The following NRXN3 variants were observed in gnomAD, a reference collection of about 807,000 sequenced individuals.
NRXN3 encodes neurexin 3, also known as neurexin III.
NRXN3 carries 32 observed loss-of-function variants against 137.6 expected under a neutral mutation model. The ratio of observed to expected loss-of-function variants is 0.23; its 90% confidence interval spans 0.18 to 0.31. NRXN3 has a LOEUF of 0.31. NRXN3 is among the 10% of genes least tolerant of loss of function. The pLI is 1.00. For missense variants in NRXN3, 1,574 were observed against 2,062.5 expected, an observed-to-expected ratio of 0.76 and a Z score of 4.59; for synonymous variants, 798 against 784.5, an observed-to-expected ratio of 1.02 and a Z score of -0.29.
chr14:78,765,031 G>C (rs920803066), intron 8 of NRXN3, among the ~76,000 whole-genome samples: 4 of 152,160 alleles, frequency 2.6e-5, no homozygotes, highest in African/African-American at 9.7e-5. Flanking sequence ...ACCTGCAGCT[G>C]GGCAGGTTAA....
chr14:79,495,330 A>G lies in NRXN3; in HGVS notation c.3444+27928A>G, dbSNP rs537442678. On this transcript the variant is annotated intron_variant, in intron 16 of 20. Transcript: ENST00000335750. ...ACAGCTTCCTTTATCCCTTAGGTAC[A>G]AGGATGCCATGCCTAGTCAGAGTTC... Among the ~76,000 whole-genome samples the G allele has an allele frequency of 4.6e-5, 7 of 152,364 alleles. No individual in the cohort carries two copies. In the East Asian group the frequency reaches 7.7e-4, roughly 17 times the overall value.
chr14:78,843,958 T>C lies in NRXN3; in HGVS notation c.2275+33614T>C, dbSNP rs1010933965. ...GGTGTCTGAAGACATGGTGCATCTG[T>C]TTCCTGTGGCTTCCAAGCAAATTAC... On this transcript the variant is annotated intron_variant, in intron 10 of 20. Coordinates refer to ENST00000335750, the MANE Select transcript of NRXN3 (RefSeq NM_001330195.2). Among the ~76,000 whole-genome samples the C allele has an allele frequency of 3.9e-5, 6 of 152,144 alleles. 1 individual carries two copies. The highest frequency in any genetic ancestry group is 3.9e-4 in the Admixed American group (6 of 15,276).
intron 19 of NRXN3, among the ~76,000 whole-genome samples, chr14:79,729,934 A>G (rs1448313709): frequency 6.6e-6 from 1 of 152,148 alleles, no homozygotes; most frequent in Non-Finnish European, 1.5e-5. Context: ...GGTATGATCC[A>G]TGTGAACCAA....
chr14:79,580,528 GAAGGGC>G (rs2097705373), intron 16 of NRXN3, among the ~76,000 whole-genome samples: 2 of 151,928 alleles, frequency 1.3e-5, no homozygotes, highest in African/African-American at 4.8e-5. Flanking sequence ...ATATTCTGAG[GAAGGGC>G]TGGGACTGCC....
intron 8 of NRXN3, among the ~76,000 whole-genome samples, chr14:78,718,701 T>C (rs1409355738): frequency 1.3e-5 from 2 of 152,230 alleles, no homozygotes; most frequent in Non-Finnish European, 2.9e-5. Context: ...TGATTGATAT[T>C]GTATTTAGAT....
At chr14:78,896,986 C>T (rs148539445) in intron 10 of NRXN3, among the ~76,000 whole-genome samples, 24 of 151,948 alleles carry the variant, frequency 1.6e-4, no homozygotes, top group African/African-American at 5.8e-4. Flanking sequence ...AAATCCATCC[C>T]ATTGTCTGAT....
chr14:79,388,795 G>C (rs934070277), intron 15 of NRXN3, among the ~76,000 whole-genome samples: 2 of 152,142 alleles, frequency 1.3e-5, no homozygotes, highest in Non-Finnish European at 2.9e-5. Flanking sequence ...TTGAATTGTA[G>C]CTCCCATAAT....
chr14:78,737,781 G>A (rs1044153038), intron 8 of NRXN3, among the ~76,000 whole-genome samples: 5 of 152,118 alleles, frequency 3.3e-5, no homozygotes, highest in African/African-American at 9.7e-5. Flanking sequence ...CAGTTAAGTC[G>A]TTGGAAGCTG....
At chr14:78,999,463 A>C (rs2099537125) in intron 15 of NRXN3, among the ~76,000 whole-genome samples, 1 of 152,062 alleles carries the variant, frequency 6.6e-6, no homozygotes, top group African/African-American at 2.4e-5. Flanking sequence ...GCATATTTTC[A>C]GCATCTGAGT....
chr14:79,097,049 G>A (rs1283896041), intron 15 of NRXN3, among the ~76,000 whole-genome samples: 2 of 150,002 alleles, frequency 1.3e-5, no homozygotes, highest in African/African-American at 4.9e-5. Context: ...CATGGTGCCT[G>A]GAATTTCTTC....
chr14:79,326,214 T>G (rs2090840635), intron 15 of NRXN3, among the ~76,000 whole-genome samples: 1 of 152,112 alleles, frequency 6.6e-6, no homozygotes, highest in Non-Finnish European at 1.5e-5. Context: ...GGCCACAGAG[T>G]GCTGAATTTC....
intron 1 of NRXN3, among the ~76,000 whole-genome samples, chr14:78,230,281 TC>T (rs1323377912): frequency 6.6e-6 from 1 of 152,064 alleles, no homozygotes; most frequent in Non-Finnish European, 1.5e-5. Flanking sequence ...CGTCTTGGCC[TC>T]CTAGATCCCT....
intron 4 of NRXN3, among the ~76,000 whole-genome samples, chr14:78,330,772 A>C (rs956845688): frequency 6.6e-6 from 1 of 152,132 alleles, no homozygotes. Flanking sequence ...AAGTTTTTAT[A>C]TTAACTAATT....
At chr14:78,590,155 T>C (rs962084289) in intron 4 of NRXN3, among the ~76,000 whole-genome samples, 1 of 152,182 alleles carries the variant, frequency 6.6e-6, no homozygotes, top group Non-Finnish European at 1.5e-5. Context: ...TTTGTTGTTT[T>C]GTGGTGCTCT....
rs2099420131 is a variant in NRXN3 at position 78,967,239 on chromosome 14, G to A, written c.2809G>A (p.Gly937Ser). The A allele has an allele frequency of 3.1e-6, 5 of 1,611,374 alleles. No homozygotes were observed. Among genetic ancestry groups the A allele is most frequent in the Non-Finnish European group, 4.2e-6 (5 of 1,179,534 alleles). The change falls in exon 13 of 21, where the codon GGT becomes AGT. Residue 937 changes from glycine to serine, a missense_variant. Gly to Ser is a moderately conservative substitution (Grantham distance 56, BLOSUM62 0). This residue lies in a region of NRXN3 where 718 missense variants were observed against 887.6 expected (regional missense o/e 0.81). Coordinates refer to ENST00000335750, the MANE Select transcript of NRXN3 (RefSeq NM_001330195.2). The part of the protein sequence containing the change: ...YIHYVFDLGN[G>S]PNVIKGNSDR... ...ACACTACGTTTTTGACCTCGGAAAC[G>A]GTCCCAATGTGATCAAAGGCAACAG... is the stretch of plus-strand genomic sequence containing the variant.
At chr14:78,173,971 G>A (rs1275510490) in intron 1 of NRXN3, among the ~76,000 whole-genome samples, 1 of 151,934 alleles carries the variant, frequency 6.6e-6, no homozygotes, top group Non-Finnish European at 1.5e-5. Flanking sequence ...TCACGTTAGA[G>A]CCTCTTTTCC....
At chr14:79,835,089 C>A (rs1008920890) in intron 20 of NRXN3, among the ~76,000 whole-genome samples, 2 of 152,004 alleles carry the variant, frequency 1.3e-5, no homozygotes, top group Non-Finnish European at 2.9e-5. Flanking sequence ...AATAGGGGGA[C>A]TAAGTTCAAG....
chr14:78,612,934 A>G (rs144986265), intron 4 of NRXN3, among the ~76,000 whole-genome samples: 163 of 152,310 alleles, frequency 1.1e-3, no homozygotes, highest in African/African-American at 3.8e-3. Flanking sequence ...CTTTCCCTGT[A>G]TAGTTATTTC....
intron 8 of NRXN3, among the ~76,000 whole-genome samples, chr14:78,739,772 G>T (rs1034124259): frequency 3.3e-5 from 5 of 152,108 alleles, no homozygotes; most frequent in African/African-American, 1.2e-4. Context: ...TGTATCTTAT[G>T]TTCCCATCCC....
Sources: gnomAD v4.1 joint callset for allele counts (sites outside exome capture counted in the v4.1 genomes callset) on GRCh38, gnomAD v4.1.1 for gene constraint, gnomAD v4.1.1 regional missense constraint, MANE v1.5 for transcripts, NCBI Gene and HGNC (gene_info 2026-07-23, HGNC 2026-07-21) for gene names.